EIF5: variants seen among roughly 807,000 people sequenced by gnomAD.
EIF5 encodes the protein eukaryotic translation initiation factor 5.
In EIF5, 10 loss-of-function variants were observed where a neutral mutation model predicts 48.3. The ratio of observed to expected loss-of-function variants is 0.21; its 90% confidence interval spans 0.13 to 0.35. The LOEUF (loss-of-function observed/expected upper bound fraction) is 0.35. EIF5 is among the 10% of genes least tolerant of loss of function. The pLI is 1.00. For synonymous variants in EIF5, 237 were observed against 173.1 expected (o/e 1.37, Z -2.90); for missense variants, 397 against 533.2 (o/e 0.74, Z 2.51).
intron 5 of EIF5, 120 bp from the exon 6 acceptor site, chr14:103,336,996 A>G: frequency 3.0e-6 from 4 of 1,340,546 alleles, no homozygotes; most frequent in Non-Finnish European, 4.0e-6. Flanking sequence ...TCTTTTTTTT[A>G]AAGTAGGTCA....
At chr14:103,338,940 T>C in intron 8 of EIF5, 47 bp downstream of exon 8, 1 of 1,595,826 alleles carries the variant, frequency 6.3e-7, no homozygotes, top group Non-Finnish European at 8.5e-7. Flanking sequence ...CCAGCCTTGT[T>C]TGTGCCTTTA....
Position 103,336,308 on chromosome 14 carries a change from G to A in EIF5, c.154+191G>A, listed in dbSNP as rs533281124. ...GCATTTAAAGAGTGGATGGCTGGGC[G>A]CGTTGGCTCACACCTGTAACCCCCA... On this transcript the variant is annotated intron_variant, in intron 4 of 11. Transcript: ENST00000216554. 6.6e-5 allele frequency: 44 copies of A among 667,740 alleles called. 1 individual carries two copies. The highest frequency in any genetic ancestry group is 4.9e-4 in the South Asian group (25 of 51,324). 41.4% of individuals were successfully genotyped at this position (667,740 alleles called of 1,614,324 possible). A position where few individuals can be genotyped will look rare whatever the true frequency, so the allele number is the denominator to read the frequency against.
intron 10 of EIF5, 98 bp downstream of exon 10, chr14:103,339,901 C>T (rs2089333279): frequency 7.3e-7 from 1 of 1,364,364 alleles, no homozygotes; most frequent in East Asian, 2.5e-5. Flanking sequence ...TTCTGTTGTC[C>T]AGGCAGGAGT....
In EIF5 at chr14:103,341,441, A is replaced by C. The variant is rs2089351666; in HGVS notation, c.*389A>C. 5.9e-6 allele frequency: 1 copy of C among 169,400 alleles called. No homozygotes were observed. Among genetic ancestry groups the C allele is most frequent in the African/African-American group, 2.4e-5 (1 of 42,004 alleles). The allele number at this position is 169,400 out of a possible 1,614,324, so 10.5% of individuals were successfully genotyped here. A position where few individuals can be genotyped will look rare whatever the true frequency, so the allele number is the denominator to read the frequency against. On this transcript the variant is annotated 3_prime_UTR_variant, in exon 12 of 12. Transcript: ENST00000216554. ...TCTGCCATCATTTCACCTGATGAGC[A>C]TTCTTGGAGCCTGCCAGATATTGTT...
Position 103,336,072 on chromosome 14 carries a change from G to T in EIF5, c.109G>T (p.Val37Phe). The change falls in exon 4 of 12, where the codon GTC becomes TTC. Residue 37 changes from valine (V) to phenylalanine (F), a missense_variant. This residue lies in a region of EIF5 where 108 missense variants were observed against 188.3 expected (regional missense o/e 0.57). Coordinates refer to ENST00000216554, the MANE Select transcript of EIF5 (RefSeq NM_001969.5). ...AGGCAATGGAATCAAGACAGTTATA[G>T]TCAACATGGTTGACGTTGCAAAGGC... is the stretch of plus-strand genomic sequence containing the variant. The part of the protein sequence containing the change: ...GKGNGIKTVI[V>F]NMVDVAKALN... 1 of 1,614,172 alleles carries T rather than the reference G, an allele frequency of 6.2e-7. No individual in the cohort carries two copies. The highest frequency in any genetic ancestry group is 8.5e-7 in the Non-Finnish European group (1 of 1,180,030).
At chr14:103,339,003 T>C in intron 8 of EIF5, 110 bp downstream of exon 8, 1 of 1,495,186 alleles carries the variant, frequency 6.7e-7, no homozygotes, top group African/African-American at 1.4e-5. Context: ...CACGACTTTT[T>C]AGAACTCTTG....
At chr14:103,340,904 G>T in intron 11 of EIF5, 59 bp from the exon 12 acceptor site, 2 of 1,546,500 alleles carry the variant, frequency 1.3e-6, no homozygotes, top group South Asian at 2.2e-5. Flanking sequence ...AATTTACATT[G>T]ATTTGTTTTA....
In EIF5 at chr14:103,335,731, AT is replaced by A; in HGVS notation, c.-124del. The A allele has an allele frequency of 9.1e-7, 1 of 1,095,102 alleles. No individual in the cohort carries two copies. Among genetic ancestry groups the A allele is most frequent in the Non-Finnish European group, 1.3e-6 (1 of 742,254 alleles). The allele number at this position is 1,095,102 out of a possible 1,614,324, so 67.8% of individuals were successfully genotyped here. On this transcript the variant is annotated 5_prime_UTR_variant, in exon 3 of 12. Coordinates refer to ENST00000216554, the MANE Select transcript of EIF5 (RefSeq NM_001969.5). ...GAAGCTTACAGCCTCAGTGGCGAAA[AT>A]TTTTTCATGTCAGAGACCGAGAACT... is the stretch of plus-strand genomic sequence containing the variant.
chr14:103,340,414 T>C lies in EIF5; in HGVS notation c.1072-13T>C. 2.5e-6 allele frequency: 4 copies of C among 1,596,566 alleles called. No individual in the cohort carries two copies. Among genetic ancestry groups the C allele is most frequent in the Non-Finnish European group, 3.4e-6 (4 of 1,165,454 alleles). ...AATTCCTCAACTAAGAGACTTGTACTCACATTTTTTAGGCCTCTAAGAAAT... is the reference window on the plus strand; with the variant it reads ...AATTCCTCAACTAAGAGACTTGTACCCACATTTTTTAGGCCTCTAAGAAAT... On this transcript the variant is annotated splice_polypyrimidine_tract_variant and intron_variant, in intron 10 of 11. Coordinates refer to ENST00000216554, the MANE Select transcript of EIF5 (RefSeq NM_001969.5).
chr14:103,340,650 G>T (rs986315527), intron 11 of EIF5, 89 bp downstream of exon 11: 1 of 1,498,340 alleles, frequency 6.7e-7, no homozygotes, highest in Non-Finnish European at 9.0e-7. Context: ...TATAATGGCA[G>T]TTTGGGGTAA....
intron 5 of EIF5, 128 bp from the exon 6 acceptor site, chr14:103,336,988 T>G (rs929554470): frequency 1.5e-6 from 2 of 1,346,040 alleles, no homozygotes; most frequent in Non-Finnish European, 2.0e-6. Context: ...ATTTCCATTC[T>G]TTTTTTTAAA....
At chr14:103,336,986 TC>T (rs2089294404) in intron 5 of EIF5, 129 bp from the exon 6 acceptor site, 2 of 1,378,526 alleles carry the variant, frequency 1.5e-6, no homozygotes, top group East Asian at 4.8e-5. Context: ...ATATTTCCAT[TC>T]TTTTTTTTAA....
In EIF5 at chr14:103,343,250, T is replaced by TGG. The variant is rs1201569052; in HGVS notation, c.*2199_*2200insGG. ...CAAAGCATTGGAATCTGCCCTGTTT[T>TGG]GTAGCCGTTGCTTTGGATTTGTGTT... On this transcript the variant is annotated 3_prime_UTR_variant, in exon 12 of 12. Coordinates refer to ENST00000216554, the MANE Select transcript of EIF5 (RefSeq NM_001969.5). The TGG allele has an allele frequency of 6.6e-5, 10 of 152,340 alleles. No homozygotes were observed. Among genetic ancestry groups the TGG allele is most frequent in the Admixed American group, 1.3e-4 (2 of 15,280 alleles). 9.4% of individuals were successfully genotyped at this position (152,340 alleles called of 1,614,324 possible). A position where few individuals can be genotyped will look rare whatever the true frequency, so the allele number is the denominator to read the frequency against.
At chr14:103,334,704 G>A (rs1011524033) in intron 2 of EIF5, 107 bp downstream of exon 2, 2 of 145,864 alleles carry the variant, frequency 1.4e-5, no homozygotes, top group Non-Finnish European at 3.0e-5. Flanking sequence ...GACGGCGGGC[G>A]GGCGCGGGCC....
rs1291565431 is a variant in EIF5, at chr14:103,343,190, A to G, written c.*2138A>G. The G allele has an allele frequency of 2.0e-5, 3 of 152,624 alleles. No homozygotes were observed. Among genetic ancestry groups the G allele is most frequent in the Non-Finnish European group, 4.4e-5 (3 of 68,046 alleles). 9.5% of individuals were successfully genotyped at this position (152,624 alleles called of 1,614,324 possible). On this transcript the variant is annotated 3_prime_UTR_variant, in exon 12 of 12. Transcript: ENST00000216554. ...AATTGTATTTTGTCTTTGCTTTAAT[A>G]TTAAAGTTAACAAGTTTTCATTTTA...
intron 11 of EIF5, 114 bp downstream of exon 11, chr14:103,340,675 T>G: frequency 7.2e-7 from 1 of 1,386,602 alleles, no homozygotes; most frequent in Non-Finnish European, 9.8e-7. Flanking sequence ...AGGTTTAGAA[T>G]TTAAGATGCA....
chr14:103,341,323 A>T lies in EIF5; in HGVS notation c.*271A>T. ...GGACACATTTGGATCACATTTATAC[A>T]GTTATAAAAATAAAGGTTTGATTTT... On this transcript the variant is annotated 3_prime_UTR_variant, in exon 12 of 12. Transcript: ENST00000216554. The T allele has an allele frequency of 7.2e-6, 2 of 277,112 alleles. No homozygotes were observed. Among genetic ancestry groups the T allele is most frequent in the South Asian group, 6.7e-5 (1 of 14,816 alleles). The allele number at this position is 277,112 out of a possible 1,614,324, so 17.2% of individuals were successfully genotyped here.
chr14:103,340,362 A>C (rs1393527865), intron 10 of EIF5, 65 bp from the exon 11 acceptor site: 1 of 1,553,958 alleles, frequency 6.4e-7, no homozygotes, highest in African/African-American at 1.4e-5. Flanking sequence ...AGTAAGGGGG[A>C]TTGTATAAAT....
intron 7 of EIF5, 73 bp from the exon 8 acceptor site, chr14:103,338,662 A>G (rs1196904000): frequency 3.8e-6 from 6 of 1,564,470 alleles, no homozygotes; most frequent in African/African-American, 1.4e-5. Context: ...GATGCCATTA[A>G]CTTGGCAAAA....
Sources: allele counts gnomAD v4.1 joint callset, GRCh38; gene constraint gnomAD v4.1.1; regional missense constraint gnomAD v4.1.1; transcripts MANE v1.5; gene names NCBI Gene and HGNC (gene_info 2026-07-23, HGNC 2026-07-21).